Variants in SNRPD3 observed in about 807,000 individuals in gnomAD.
SNRPD3 encodes small nuclear ribonucleoprotein Sm D3.
For missense variants in SNRPD3, 73 were observed against 167.5 expected, an observed-to-expected ratio of 0.44 and a Z score of 3.11; for synonymous variants, 66 against 58.4, an observed-to-expected ratio of 1.13 and a Z score of -0.59.
Position 24,573,176 on chromosome 22 carries a change from C to T in SNRPD3, c.*1199C>T, listed in dbSNP as rs570883887. Reference sequence around the variant, plus strand: ...CTATGACCTTGCCACTGTACTCCAGCCTGGGCAAAAGAGCAAGACTTTGTC... The same window carrying T: ...CTATGACCTTGCCACTGTACTCCAGTCTGGGCAAAAGAGCAAGACTTTGTC... On this transcript the variant is annotated 3_prime_UTR_variant, in exon 4 of 4. Coordinates refer to ENST00000215829, the MANE Select transcript of SNRPD3 (RefSeq NM_004175.5). Among the ~76,000 whole-genome samples the T allele has an allele frequency of 1.3e-5, 2 of 152,142 alleles. No individual in the cohort carries two copies. The highest frequency in any genetic ancestry group is 1.3e-4 in the Admixed American group (2 of 15,282).
At chr22:24,563,292 GTA>G (rs3037943) in intron 2 of SNRPD3, among the ~76,000 whole-genome samples, 23,644 of 124,124 alleles carry the variant, frequency 0.19, 2,459 homozygotes, top group Admixed American at 0.31. Flanking sequence ...GTGTGTGTGT[GTA>G]TATATATATA....
rs548563175 is a variant in SNRPD3 at position 24,572,279 on chromosome 22, T to C, written c.*302T>C. ...AGCTATTGATGAGATTTTAAGCTGC[T>C]GTTCCTGGCCAGTTGCAGGTTAAGC... On this transcript the variant is annotated 3_prime_UTR_variant, in exon 4 of 4. Transcript: ENST00000215829. 42 of 608,996 alleles carry C rather than the reference T, an allele frequency of 6.9e-5. No homozygotes were observed. The South Asian group carries it at 7.7e-4, about 11-fold the overall frequency. 37.7% of individuals were successfully genotyped at this position (608,996 alleles called of 1,614,324 possible).
intron 1 of SNRPD3, among the ~76,000 whole-genome samples, chr22:24,556,713 G>C (rs954470546): frequency 6.6e-6 from 1 of 152,158 alleles, no homozygotes; most frequent in Admixed American, 6.5e-5. Flanking sequence ...ATATAATTCT[G>C]CAGTGGTTCT....
chr22:24,557,414 T>C (rs1209445312), intron 1 of SNRPD3, among the ~76,000 whole-genome samples: 1 of 152,160 alleles, frequency 6.6e-6, no homozygotes, highest in African/African-American at 2.4e-5. Flanking sequence ...ATGCTCTCTT[T>C]TCATTCCTAG....
At chr22:24,565,462 CTTTG>C (rs1255411208) in intron 2 of SNRPD3, among the ~76,000 whole-genome samples, 2 of 152,108 alleles carry the variant, frequency 1.3e-5, no homozygotes, top group Non-Finnish European at 2.9e-5. Flanking sequence ...TAACTGTTGG[CTTTG>C]TTGTCTTGTA....
At chr22:24,564,199 G>A (rs915942158) in intron 2 of SNRPD3, among the ~76,000 whole-genome samples, 3 of 152,156 alleles carry the variant, frequency 2.0e-5, no homozygotes, top group Non-Finnish European at 2.9e-5. Context: ...CCTAAAGAAT[G>A]CATTTCTGGT....
At chr22:24,559,582 C>CACAGACCTTGGTGTCCG (rs2045113197) in intron 2 of SNRPD3, among the ~76,000 whole-genome samples, 1 of 152,178 alleles carries the variant, frequency 6.6e-6, no homozygotes, top group Non-Finnish European at 1.5e-5. Flanking sequence ...ACACAAAGTG[C>CACAGACCTTGGTGTCCG]ACAGACCTTG....
At chr22:24,555,736 C>G, upstream of SNRPD3, 1 of 1,550,680 alleles carries the variant, frequency 6.4e-7, no homozygotes, top group African/African-American at 1.4e-5. Context: ...TCCAGCCTGT[C>G]CTTGGTGTGG....
In SNRPD3 at chr22:24,556,022, C is replaced by T. The variant is rs765247080; in HGVS notation, c.-68C>T. The T allele has an allele frequency of 3.2e-6, 2 of 630,208 alleles. No individual in the cohort carries two copies. The highest frequency in any genetic ancestry group is 2.7e-5 in the East Asian group (1 of 36,394). The allele number at this position is 630,208 out of a possible 1,614,324, so 39.0% of individuals were successfully genotyped here. A position where few individuals can be genotyped will look rare whatever the true frequency, so the allele number is the denominator to read the frequency against. The stretch of plus-strand genomic sequence containing the variant: ...CCATTCGCTTGACTCACGCCTTCGC[C>T]GTAGCATCTTTCGCAGCGGACCGAA... On this transcript the variant is annotated 5_prime_UTR_variant, in exon 1 of 4. Coordinates refer to ENST00000215829, the MANE Select transcript of SNRPD3 (RefSeq NM_004175.5).
chr22:24,560,837 C>G (rs2045134193), intron 2 of SNRPD3, among the ~76,000 whole-genome samples: 1 of 148,082 alleles, frequency 6.8e-6, no homozygotes, highest in South Asian at 2.1e-4. Flanking sequence ...TTAAGCAACT[C>G]TCTTGCCTCA....
At chr22:24,555,829 C>A, upstream of SNRPD3, 5 of 1,544,658 alleles carry the variant, frequency 3.2e-6, no homozygotes, top group Middle Eastern at 4.4e-4. Flanking sequence ...CAGTCATCAG[C>A]CCTCTTTTCC....
rs1001089781 is a variant in SNRPD3 at position 24,573,612 on chromosome 22, C to T, written c.*1635C>T. ...GCTTCAGGCCAAACATGGTGCCCCA[C>T]GCCTATAATGCCAGCACTTTGGGAG... On this transcript the variant is annotated 3_prime_UTR_variant, in exon 4 of 4. Coordinates refer to ENST00000215829, the MANE Select transcript of SNRPD3 (RefSeq NM_004175.5). Among the ~76,000 whole-genome samples the T allele has an allele frequency of 6.6e-6, 1 of 152,202 alleles. No homozygotes were observed. Among genetic ancestry groups the T allele is most frequent in the Non-Finnish European group, 1.5e-5 (1 of 68,032 alleles).
chr22:24,563,032 T>C (rs779007602), intron 2 of SNRPD3, among the ~76,000 whole-genome samples: 1 of 152,168 alleles, frequency 6.6e-6, no homozygotes, highest in Non-Finnish European at 1.5e-5. Context: ...TCAAGTAGTT[T>C]TAAAGTATCC....
chr22:24,567,031 C>G (rs2045203053), intron 2 of SNRPD3, among the ~76,000 whole-genome samples: 1 of 152,220 alleles, frequency 6.6e-6, no homozygotes, highest in Non-Finnish European at 1.5e-5. Context: ...GCCCAAGTGC[C>G]TGCTCTTTTC....
At chr22:24,558,921 C>T (rs947671818) in intron 2 of SNRPD3, among the ~76,000 whole-genome samples, 2 of 152,136 alleles carry the variant, frequency 1.3e-5, no homozygotes, top group Admixed American at 6.5e-5. Context: ...TGCCTGCACT[C>T]CTCATAGCCT....
chr22:24,560,008 ATTC>A (rs1258146002), intron 2 of SNRPD3, among the ~76,000 whole-genome samples: 3 of 150,632 alleles, frequency 2.0e-5, no homozygotes, highest in African/African-American at 7.3e-5. Flanking sequence ...TTCTGTCCAG[ATTC>A]TTCTTATAAG....
At position 24,556,003 on chromosome 22, in the gene SNRPD3, G is replaced by T. The variant is rs1159066295; in HGVS notation, c.-87G>T. 9.1e-6 allele frequency: 6 copies of T among 657,246 alleles called. No homozygotes were observed. The highest frequency in any genetic ancestry group is 3.8e-5 in the South Asian group (2 of 52,410). 40.7% of individuals were successfully genotyped at this position (657,246 alleles called of 1,614,324 possible). ...ATTCTGGGTGTTAGGCCCGCCATTC[G>T]CTTGACTCACGCCTTCGCCGTAGCA... On this transcript the variant is annotated 5_prime_UTR_variant, in exon 1 of 4. Transcript: ENST00000215829.
intron 3 of SNRPD3, among the ~76,000 whole-genome samples, 167 bp from the exon 4 acceptor site, chr22:24,571,749 A>AT (rs1000499279): frequency 1.4e-5 from 2 of 143,718 alleles, no homozygotes; most frequent in African/African-American, 5.1e-5. Flanking sequence ...GTCTCAAAAA[A>AT]TAAAAAAAAA....
intron 2 of SNRPD3, among the ~76,000 whole-genome samples, chr22:24,563,202 A>C (rs1318300293): frequency 7.2e-6 from 1 of 138,814 alleles, no homozygotes; most frequent in African/African-American, 2.8e-5. Flanking sequence ...ACCCTGTCTC[A>C]TATATGTGTG....
Sources: gnomAD v4.1 joint callset for allele counts (sites outside exome capture counted in the v4.1 genomes callset) on GRCh38, gnomAD v4.1.1 for gene constraint, MANE v1.5 for transcripts, NCBI Gene and HGNC (gene_info 2026-07-23, HGNC 2026-07-21) for gene names.